The following ZNF385D variants were observed in gnomAD, a reference collection of about 807,000 sequenced individuals.
ZNF385D encodes the protein zinc finger protein 385D.
A neutral mutation model predicts 35.8 loss-of-function variants in ZNF385D; 15 were observed. The observed-to-expected ratio is 0.42, with a 90% CI of 0.28 to 0.64. The LOEUF is 0.64. Ranked by LOEUF, ZNF385D falls within the 30% of genes least tolerant of loss-of-function variation. The pLI is 0.23. For missense variants in ZNF385D, 474 were observed against 494.6 expected (o/e 0.96, Z 0.39); for synonymous variants, 212 against 186.8 (o/e 1.13, Z -1.10).
chr3:21,699,268 C>G (rs138569209), intron 1 of ZNF385D, among the ~76,000 whole-genome samples: 1 of 151,872 alleles, frequency 6.6e-6, no homozygotes, highest in African/African-American at 2.4e-5. Flanking sequence ...TGTTCTCACT[C>G]ATAAGTGGGA....
upstream of ZNF385D, among the ~76,000 whole-genome samples, chr3:21,755,007 G>A (rs1012501123): frequency 4.6e-5 from 7 of 152,184 alleles, no homozygotes; most frequent in African/African-American, 1.7e-4. Flanking sequence ...ATGCTTAGCA[G>A]CAGCTGCTCT....
At chr3:22,177,320 G>A (rs1257722614) in intron 2 of ZNF385D, among the ~76,000 whole-genome samples, 1 of 152,160 alleles carries the variant, frequency 6.6e-6, no homozygotes, top group Non-Finnish European at 1.5e-5. Flanking sequence ...TAAAACTTAA[G>A]AAAGGTTTGC....
chr3:22,018,474 C>T (rs1697021599), intron 3 of ZNF385D, among the ~76,000 whole-genome samples: 1 of 151,992 alleles, frequency 6.6e-6, no homozygotes. Flanking sequence ...TTCAAATACA[C>T]AGTTCAGCTT....
At chr3:21,982,402 G>C (rs967379036) in intron 3 of ZNF385D, among the ~76,000 whole-genome samples, 1 of 152,048 alleles carries the variant, frequency 6.6e-6, no homozygotes, top group Non-Finnish European at 1.5e-5. Context: ...TTGGTGTCTA[G>C]GAATGCTAAG....
At chr3:22,032,629 G>C (rs979172786) in intron 3 of ZNF385D, among the ~76,000 whole-genome samples, 2 of 152,144 alleles carry the variant, frequency 1.3e-5, no homozygotes, top group Non-Finnish European at 2.9e-5. Flanking sequence ...TAGCGCTAAG[G>C]TTAACATAGA....
chr3:21,660,267 A>T lies in ZNF385D; in HGVS notation c.165+4619T>A, dbSNP rs1007470081. Among the ~76,000 whole-genome samples the T allele has an allele frequency of 8.6e-5, 13 of 151,544 alleles. 1 individual carries two copies. Among genetic ancestry groups the T allele is most frequent in the Non-Finnish European group, 1.8e-4 (12 of 68,038 alleles). On this transcript the variant is annotated intron_variant, in intron 2 of 7. Coordinates refer to ENST00000281523, the MANE Select transcript of ZNF385D (RefSeq NM_024697.3). ...TGTTAAAGAACCATCAGCCAAAGCT[A>T]GCTAAAGCAAAAGTTATCCTCTTTT...
At chr3:22,331,939 G>A (rs1022773496) in intron 2 of ZNF385D, among the ~76,000 whole-genome samples, 1 of 152,044 alleles carries the variant, frequency 6.6e-6, no homozygotes, top group African/African-American at 2.4e-5. Context: ...AAAATTTGTG[G>A]TCTTGCTTTT....
intron 1 of ZNF385D, among the ~76,000 whole-genome samples, chr3:21,704,489 T>C (rs2067823538): frequency 6.6e-6 from 1 of 151,988 alleles, no homozygotes; most frequent in South Asian, 2.1e-4. Flanking sequence ...CAAAATCTGA[T>C]ATTATTTATT....
intron 2 of ZNF385D, among the ~76,000 whole-genome samples, chr3:22,244,025 A>C (rs1699632485): frequency 6.6e-6 from 1 of 150,902 alleles, no homozygotes; most frequent in Non-Finnish European, 1.5e-5. Context: ...TAATCTCTTC[A>C]TTGGCTTAGC....
At chr3:21,527,052 T>G (rs1708269700) in intron 3 of ZNF385D, among the ~76,000 whole-genome samples, 19 of 152,178 alleles carry the variant, frequency 1.2e-4, no homozygotes, top group Admixed American at 1.2e-3. Flanking sequence ...ATCCATGATG[T>G]AGAAAATCTT....
intron 3 of ZNF385D, among the ~76,000 whole-genome samples, chr3:21,797,997 T>A (rs942106504): frequency 5.9e-5 from 9 of 152,208 alleles, no homozygotes; most frequent in African/African-American, 2.2e-4. Context: ...ACACCAACAG[T>A]GAACCCTAGT....
rs140424520 is a variant in ZNF385D, at chr3:22,039,213, A to G, written c.325+129604T>C. The stretch of plus-strand genomic sequence containing the variant: ...ATGATGAATGGAAGCTTCTAAAAAT[A>G]CTAGTAACAATAAACACTGTTGATT... On this transcript the variant is annotated intron_variant, in intron 3 of 5. Coordinates refer to the ZNF385D transcript ENST00000494108. 7.1e-3 allele frequency among the ~76,000 whole-genome samples: 1,075 copies of G among 150,390 alleles called. 17 individuals are homozygous for G. The highest frequency in any genetic ancestry group is 0.024 in the African/African-American group (1,001 of 40,948).
intron 2 of ZNF385D, chr3:22,169,065 C>G (rs1706518391): frequency 1.0e-6 from 1 of 958,782 alleles, no homozygotes; most frequent in Non-Finnish European, 1.2e-6. Flanking sequence ...TATGAACAAG[C>G]AGATCAAGAT....
At chr3:21,755,084 T>G (rs557168472), upstream of ZNF385D, among the ~76,000 whole-genome samples, 17 of 152,350 alleles carry the variant, frequency 1.1e-4, no homozygotes, top group East Asian at 3.3e-3. Flanking sequence ...GTTTGTCCTT[T>G]CAAATTCTCA....
intron 2 of ZNF385D, among the ~76,000 whole-genome samples, chr3:21,587,067 G>T (rs2063833443): frequency 6.6e-6 from 1 of 152,156 alleles, no homozygotes; most frequent in African/African-American, 2.4e-5. Context: ...TTAAAATTTT[G>T]GTATGAATGG....
intron 3 of ZNF385D, among the ~76,000 whole-genome samples, chr3:22,012,473 C>A (rs955675958): frequency 2.0e-5 from 3 of 152,040 alleles, no homozygotes; most frequent in African/African-American, 7.2e-5. Flanking sequence ...CTGTAACTCC[C>A]CTCTGAGAAA....
At chr3:21,738,319 T>C (rs1012772784) in intron 1 of ZNF385D, among the ~76,000 whole-genome samples, 2 of 152,208 alleles carry the variant, frequency 1.3e-5, no homozygotes, top group South Asian at 4.1e-4. Flanking sequence ...TTGGGTATGA[T>C]CTGACTTGGC....
intron 5 of ZNF385D, among the ~76,000 whole-genome samples, chr3:21,435,350 T>A (rs1701497297): frequency 6.8e-6 from 1 of 146,718 alleles, no homozygotes; most frequent in Admixed American, 7.1e-5. Flanking sequence ...CTCAACCTCC[T>A]AGGTTCAAGA....
intron 2 of ZNF385D, among the ~76,000 whole-genome samples, chr3:22,217,388 G>C (rs1008911153): frequency 1.3e-5 from 2 of 152,044 alleles, no homozygotes; most frequent in East Asian, 1.9e-4. Context: ...TTCAAAGAAG[G>C]CATCTCCTTA....
Sources: allele counts gnomAD v4.1 joint callset (sites outside exome capture counted in the v4.1 genomes callset), GRCh38; gene constraint gnomAD v4.1.1; transcripts MANE v1.5; gene names NCBI Gene and HGNC (gene_info 2026-07-23, HGNC 2026-07-21).